The following CHAMP1 variants were observed in gnomAD, a reference collection of about 807,000 sequenced individuals.
CHAMP1 encodes chromosome alignment-maintaining phosphoprotein 1.
In CHAMP1, 4 loss-of-function variants were observed where a neutral mutation model predicts 54.5. The observed-to-expected ratio is 0.07, with a 90% confidence interval of 0.04 to 0.17. CHAMP1 has a LOEUF of 0.17. Ranked by LOEUF, CHAMP1 falls within the 10% of genes least tolerant of loss-of-function variation. The pLI is 1.00. For missense variants in CHAMP1, 994 were observed against 968.6 expected (o/e 1.03, Z -0.35); for synonymous variants, 368 against 342.2 (o/e 1.08, Z -0.83).
rs1346349820 is a variant in CHAMP1, at chr13:114,324,394, T to C, written c.552T>C (p.Ser184=). 1 of 1,614,050 alleles carries C rather than the reference T, an allele frequency of 6.2e-7. No individual in the cohort carries two copies. The highest frequency in any genetic ancestry group is 8.5e-7 in the Non-Finnish European group (1 of 1,180,036). ...PEPSKPASVS[S]PEPPKSVPVC... ...CTTCAAAACCTGCCTCTGTTTCTTC[T>C]CCTGAACCTCCAAAATCAGTCCCTG... The change falls in exon 3 of 3, where the codon TCT becomes TCC. Residue 184 remains serine (S), a synonymous_variant. Transcript: ENST00000361283.
chr13:114,321,898 C>T (rs1380479908), intron 2 of CHAMP1, among the ~76,000 whole-genome samples: 2 of 152,006 alleles, frequency 1.3e-5, no homozygotes, highest in Non-Finnish European at 1.5e-5. Context: ...GTATTTGTTT[C>T]CTCAAGTATC....
chr13:114,318,533 A>G (rs1397491724), intron 1 of CHAMP1, among the ~76,000 whole-genome samples: 3 of 152,060 alleles, frequency 2.0e-5, no homozygotes, highest in African/African-American at 4.8e-5. Context: ...CGTGTTGCCC[A>G]GGGTGTTCTT....
Position 114,325,585 on chromosome 13 carries a change from A to G in CHAMP1, c.1743A>G (p.Glu581=), listed in dbSNP as rs368566890. 10 of 1,614,228 alleles carry G rather than the reference A, an allele frequency of 6.2e-6. No homozygotes were observed. In the East Asian group the frequency reaches 1.3e-4, roughly 22 times the overall value. Residue 581 remains glutamate, a synonymous_variant, in exon 3 of 3, where the codon GAA becomes GAG. Coordinates refer to ENST00000361283, the MANE Select transcript of CHAMP1 (RefSeq NM_032436.4). ...ESQKAVELGD[E]LQIDAIDDQK... is the part of the protein sequence containing the mutation. The stretch of plus-strand genomic sequence containing the variant: ...AGAAGGCTGTTGAGCTTGGTGATGA[A>G]CTACAAATAGATGCCATAGATGATC...
chr13:114,319,600 T>TA (rs1296940393), intron 1 of CHAMP1, among the ~76,000 whole-genome samples: 1 of 152,074 alleles, frequency 6.6e-6, no homozygotes, highest in Non-Finnish European at 1.5e-5. Flanking sequence ...CAAATGCCAA[T>TA]AAAAAAGAGC....
chr13:114,318,550 C>T (rs1293082511), intron 1 of CHAMP1, among the ~76,000 whole-genome samples: 1 of 152,050 alleles, frequency 6.6e-6, no homozygotes, highest in Non-Finnish European at 1.5e-5. Flanking sequence ...TCTTGAACCC[C>T]TGAGCTCAAG....
Position 114,324,891 on chromosome 13 carries a change from C to G in CHAMP1, c.1049C>G (p.Pro350Arg), listed in dbSNP as rs1555379640. The G allele has an allele frequency of 8.7e-6, 14 of 1,614,046 alleles. No individual in the cohort carries two copies. Among genetic ancestry groups the G allele is most frequent in the African/African-American group, 1.3e-5 (1 of 74,912 alleles). ...APSVSPGPWK[P>R]IPSVSPGPWK... ...TCTGTGTCTCCTGGACCTTGGAAACCAATTCCTTCTGTATCTCCTGGACCT... is the reference window on the plus strand; with the variant it reads ...TCTGTGTCTCCTGGACCTTGGAAACGAATTCCTTCTGTATCTCCTGGACCT... Residue 350 changes from proline to arginine, a missense_variant, in exon 3 of 3, where the codon CCA (proline) becomes CGA (arginine). This residue lies in a region of CHAMP1 where 851 missense variants were observed against 701.3 expected (regional missense o/e 1.21). Transcript: ENST00000361283.
At position 114,326,770 on chromosome 13, in the gene CHAMP1, A is replaced by C. The variant is rs2087256943; in HGVS notation, c.*489A>C. 6.0e-6 allele frequency: 1 copy of C among 167,126 alleles called. No homozygotes were observed. The highest frequency in any genetic ancestry group is 1.9e-4 in the East Asian group (1 of 5,206). 10.4% of individuals were successfully genotyped at this position (167,126 alleles called of 1,614,324 possible). ...GATGTAAAATTAGTTTATAAATCTTAATCAGCTTCTAGATGTTTATTAGCT... is the reference window on the plus strand; with the variant it reads ...GATGTAAAATTAGTTTATAAATCTTCATCAGCTTCTAGATGTTTATTAGCT... On this transcript the variant is annotated 3_prime_UTR_variant, in exon 3 of 3. Transcript: ENST00000361283.
intron 1 of CHAMP1, among the ~76,000 whole-genome samples, chr13:114,318,026 A>C (rs1481864310): frequency 6.6e-6 from 1 of 152,228 alleles, no homozygotes; most frequent in Non-Finnish European, 1.5e-5. Flanking sequence ...TAGAACCTAA[A>C]AGCTGGAAGG....
intron 1 of CHAMP1, among the ~76,000 whole-genome samples, chr13:114,317,590 C>G (rs550003526): frequency 6.6e-6 from 1 of 151,976 alleles, no homozygotes; most frequent in Non-Finnish European, 1.5e-5. Context: ...CGTCACTGCA[C>G]CAAAACCTTG....
rs1194478086 is a variant in CHAMP1, at chr13:114,315,835, G to GTT, written c.-179+1208_-179+1209dup. Among the ~76,000 whole-genome samples, 1,263 of 129,924 alleles carry GTT rather than the reference G, an allele frequency of 9.7e-3. 16 individuals are homozygous for GTT. The highest frequency in any genetic ancestry group is 0.039 in the Middle Eastern group (10 of 256). The allele number at this position is 129,924 out of a possible 152,430, so 85.2% of individuals were successfully genotyped here. On this transcript the variant is annotated intron_variant, in intron 1 of 2. Coordinates refer to ENST00000361283, the MANE Select transcript of CHAMP1 (RefSeq NM_032436.4). The stretch of plus-strand genomic sequence containing the variant: ...TAAAAATGATTAAATGGCAAGTTTT[G>GTT]TTTTTTTTTTTTTTTTTGAGACGGG...
At position 114,324,960 on chromosome 13, in the gene CHAMP1, C is replaced by T. The variant is rs1555379658; in HGVS notation, c.1118C>T (p.Ser373Leu). Residue 373 changes from serine to leucine, a missense_variant, in exon 3 of 3, where the codon TCA becomes TTA. Ser to Leu is a moderately radical substitution (Grantham distance 145, BLOSUM62 -2). Coordinates refer to ENST00000361283, the MANE Select transcript of CHAMP1 (RefSeq NM_032436.4). Reference sequence around the variant, plus strand: ...GTGTCTTCTGCATCCTGGAAATCTTCATCAGTCTCACCCAGCTCCTGGAAG... The same window carrying T: ...GTGTCTTCTGCATCCTGGAAATCTTTATCAGTCTCACCCAGCTCCTGGAAG... ...PSVSSASWKSSSVSPSSWKSP... is the reference protein window; with the variant it reads ...PSVSSASWKSLSVSPSSWKSP... The T allele has an allele frequency of 1.2e-6, 2 of 1,614,168 alleles. No individual in the cohort carries two copies. The highest frequency in any genetic ancestry group is 1.7e-6 in the Non-Finnish European group (2 of 1,180,036).
At chr13:114,317,862 T>C (rs11147327) in intron 1 of CHAMP1, among the ~76,000 whole-genome samples, 12,710 of 152,232 alleles carry the variant, frequency 0.083, 579 homozygotes, top group Middle Eastern at 0.13. Context: ...TACTGGGTGA[T>C]AGACTGGCAG....
Position 114,326,936 on chromosome 13 carries a change from C to G in CHAMP1, c.*655C>G, listed in dbSNP as rs370367391. ...AGTGTGATTTTAGATCTTTCTTGTC[C>G]ATAGTTGTTTTCAGTGGAGTCTTCC... On this transcript the variant is annotated 3_prime_UTR_variant, in exon 3 of 3. Transcript: ENST00000361283. 3 of 166,602 alleles carry G rather than the reference C, an allele frequency of 1.8e-5. No homozygotes were observed. Among genetic ancestry groups the G allele is most frequent in the African/African-American group, 7.2e-5 (3 of 41,384 alleles). The allele number at this position is 166,602 out of a possible 1,614,324, so 10.3% of individuals were successfully genotyped here.
chr13:114,318,107 G>A (rs1490647323), intron 1 of CHAMP1, among the ~76,000 whole-genome samples: 1 of 152,122 alleles, frequency 6.6e-6, no homozygotes. Context: ...TTCGTGGATC[G>A]TTCTGCTACT....
chr13:114,326,161 A>G lies in CHAMP1; in HGVS notation c.2319A>G (p.Glu773=). The G allele has an allele frequency of 6.2e-7, 1 of 1,613,356 alleles. No homozygotes were observed. Among genetic ancestry groups the G allele is most frequent in the African/African-American group, 1.3e-5 (1 of 75,054 alleles). ...TTAAATGTCCACGTTGTAATTTTGA[A>G]TCAAATTTCCCAAGAGGTTTTAAGA... ...SLLKCPRCNF[E]SNFPRGFKKH... is the part of the protein sequence containing the mutation. Residue 773 remains glutamate (E), a synonymous_variant, in exon 3 of 3, where the codon GAA becomes GAG. Transcript: ENST00000361283.
chr13:114,322,972 C>T (rs2087192812), intron 2 of CHAMP1: 1 of 152,142 alleles, frequency 6.6e-6, no homozygotes. Context: ...TTCATGTTTT[C>T]CGGCAACTGT....
In CHAMP1 at chr13:114,326,533, A is replaced by G. The variant is rs568384727; in HGVS notation, c.*252A>G. On this transcript the variant is annotated 3_prime_UTR_variant, in exon 3 of 3. Coordinates refer to ENST00000361283, the MANE Select transcript of CHAMP1 (RefSeq NM_032436.4). ...AACTTCTCATTTCTTTTAAATATGTATGAATAATAATACAAGGAAGTAGGC... is the reference window on the plus strand; with the variant it reads ...AACTTCTCATTTCTTTTAAATATGTGTGAATAATAATACAAGGAAGTAGGC... The G allele has an allele frequency of 1.4e-5, 5 of 344,980 alleles. No individual in the cohort carries two copies. The highest frequency in any genetic ancestry group is 9.1e-5 in the Admixed American group (2 of 21,926). 21.4% of individuals were successfully genotyped at this position (344,980 alleles called of 1,614,324 possible).
At chr13:114,320,772 C>T (rs1048872622) in intron 1 of CHAMP1, among the ~76,000 whole-genome samples, 21 of 151,908 alleles carry the variant, frequency 1.4e-4, no homozygotes, top group Admixed American at 8.5e-4. Context: ...CTGGCTAACA[C>T]GGTGAAACCC....
At chr13:114,316,581 C>T (rs2087102386) in intron 1 of CHAMP1, among the ~76,000 whole-genome samples, 1 of 151,278 alleles carries the variant, frequency 6.6e-6, no homozygotes, top group Non-Finnish European at 1.5e-5. Context: ...CAGAGCGAGA[C>T]TCCCTCTCAA....
Sources: gnomAD v4.1 joint callset for allele counts (sites outside exome capture counted in the v4.1 genomes callset) on GRCh38, gnomAD v4.1.1 for gene constraint, gnomAD v4.1.1 regional missense constraint, MANE v1.5 for transcripts, NCBI Gene and HGNC (gene_info 2026-07-23, HGNC 2026-07-21) for gene names.